The following CNTNAP2 variants were observed in gnomAD, a reference collection of about 807,000 sequenced individuals.
CNTNAP2 encodes the protein contactin-associated protein-like 2.
A neutral mutation model predicts 155.2 loss-of-function variants in CNTNAP2; 98 were observed. The ratio of observed to expected loss-of-function variants is 0.63; its 90% CI spans 0.54 to 0.75. The LOEUF (loss-of-function observed/expected upper bound fraction) is 0.75, where lower values mean the gene tolerates loss of function less well. Ranked by LOEUF, CNTNAP2 falls within the 30% of genes least tolerant of loss-of-function variation. The pLI, the probability that CNTNAP2 is intolerant of heterozygous loss-of-function variation, is 0.00. For synonymous variants in CNTNAP2, 651 were observed against 631.2 expected (o/e 1.03, Z -0.47); for missense variants, 1,727 against 1,688.1 (o/e 1.02, Z -0.40).
At chr7:147,022,535 A>G (rs935059524) in intron 3 of CNTNAP2, among the ~76,000 whole-genome samples, 2 of 151,918 alleles carry the variant, frequency 1.3e-5, no homozygotes, top group African/African-American at 4.8e-5. Context: ...ATATTGTACT[A>G]TATATGTGTT....
chr7:146,869,497 A>G (rs1166333787), intron 3 of CNTNAP2, among the ~76,000 whole-genome samples: 1 of 152,078 alleles, frequency 6.6e-6, no homozygotes, highest in Non-Finnish European at 1.5e-5. Context: ...TATTAAGGAT[A>G]ATTGACTCAC....
intron 1 of CNTNAP2, among the ~76,000 whole-genome samples, chr7:146,622,442 G>T (rs1024387831): frequency 6.6e-6 from 1 of 151,834 alleles, no homozygotes; most frequent in Non-Finnish European, 1.5e-5. Flanking sequence ...TGTGCAAGGG[G>T]ATATATGTGT....
intron 8 of CNTNAP2, among the ~76,000 whole-genome samples, chr7:147,191,777 G>A (rs963440201): frequency 3.3e-5 from 5 of 151,734 alleles, no homozygotes; most frequent in Admixed American, 1.3e-4. Flanking sequence ...AACCCTTCAC[G>A]AATTAAAAAA....
rs79895398 is a variant in CNTNAP2 at position 147,221,564 on chromosome 7, G to A, written c.1349-78577G>A. On this transcript the variant is annotated intron_variant, in intron 8 of 23. Coordinates refer to ENST00000361727, the MANE Select transcript of CNTNAP2 (RefSeq NM_014141.6). ...AAGCCACCAGCCCTCCCTAGGACCC[G>A]AGAAGGTGAAGCCCTTGTGTGAAGT... Among the ~76,000 whole-genome samples the A allele has an allele frequency of 5.9e-3, 901 of 152,300 alleles. 8 individuals are homozygous for A. Among genetic ancestry groups the A allele is most frequent in the African/African-American group, 0.02 (850 of 41,558 alleles).
In CNTNAP2 at chr7:146,845,630, T is replaced by A. The variant is rs563173190; in HGVS notation, c.402+5726T>A. Among the ~76,000 whole-genome samples the A allele has an allele frequency of 1.2e-3, 176 of 152,354 alleles. 2 individuals carry two copies. Among genetic ancestry groups the A allele is most frequent in the South Asian group, 9.7e-3 (47 of 4,828 alleles). Reference sequence around the variant, plus strand: ...TAGTCACCCTCTATGTTTTTCAGATTCCCTTTACCTCTTTTTACTCTTATT... The same window carrying A: ...TAGTCACCCTCTATGTTTTTCAGATACCCTTTACCTCTTTTTACTCTTATT... On this transcript the variant is annotated intron_variant, in intron 3 of 23. Coordinates refer to ENST00000361727, the MANE Select transcript of CNTNAP2 (RefSeq NM_014141.6).
At chr7:147,646,001 AG>A (rs1795359932) in intron 13 of CNTNAP2, among the ~76,000 whole-genome samples, 1 of 152,228 alleles carries the variant, frequency 6.6e-6, no homozygotes, top group Non-Finnish European at 1.5e-5. Context: ...GATTTCAAGT[AG>A]GGAAGTTCTG....
chr7:148,054,651 A>G (rs1802974863), intron 15 of CNTNAP2, among the ~76,000 whole-genome samples: 1 of 152,070 alleles, frequency 6.6e-6, no homozygotes, highest in South Asian at 2.1e-4. Context: ...TTAAAAAACT[A>G]ACTCCAGGAT....
chr7:147,418,308 A>T (rs781533799), intron 10 of CNTNAP2, among the ~76,000 whole-genome samples: 1 of 152,162 alleles, frequency 6.6e-6, no homozygotes, highest in Admixed American at 6.5e-5. Context: ...TGAGCCCTTA[A>T]TGGAAGAATG....
At chr7:147,642,066 T>C (rs1795288788) in intron 13 of CNTNAP2, among the ~76,000 whole-genome samples, 1 of 151,812 alleles carries the variant, frequency 6.6e-6, no homozygotes, top group Non-Finnish European at 1.5e-5. Flanking sequence ...CCAGGAAAAG[T>C]CAAAGACTGT....
At chr7:148,308,818 C>T (rs1203445973) in intron 21 of CNTNAP2, among the ~76,000 whole-genome samples, 3 of 147,814 alleles carry the variant, frequency 2.0e-5, no homozygotes, top group Non-Finnish European at 3.0e-5. Flanking sequence ...TGAGTGAGAA[C>T]ATGCAGTGTT....
chr7:146,211,754 G>C (rs10237336), intron 1 of CNTNAP2, among the ~76,000 whole-genome samples: 3 of 151,934 alleles, frequency 2.0e-5, no homozygotes, highest in East Asian at 3.9e-4. Flanking sequence ...AGAGACAGCA[G>C]ACCTAGAATT....
intron 3 of CNTNAP2, among the ~76,000 whole-genome samples, chr7:146,886,232 C>G (rs927022578): frequency 9.5e-5 from 14 of 146,882 alleles, no homozygotes; most frequent in Non-Finnish European, 1.8e-4. Flanking sequence ...TTTTCTGACT[C>G]TAAGGTTTTC....
In CNTNAP2 at chr7:147,108,162, A is replaced by C. The variant is rs1033655505; in HGVS notation, c.566A>C (p.Asn189Thr). The change falls in exon 5 of 24, where the codon AAC becomes ACC. Residue 189 changes from asparagine to threonine, a missense_variant. Coordinates refer to ENST00000361727, the MANE Select transcript of CNTNAP2 (RefSeq NM_014141.6). Reference protein sequence around the residue: ...YGCSYWADVINFDGHVVLPYR... With the variant: ...YGCSYWADVITFDGHVVLPYR... ...TTTGTTTTAGGGGCTGATGTTATCA[A>C]CTTTGATGGCCATGTTGTATTACCA... is the stretch of plus-strand genomic sequence containing the variant. 5.0e-6 allele frequency: 8 copies of C among 1,613,394 alleles called. No individual in the cohort carries two copies. The highest frequency in any genetic ancestry group is 4.4e-5 in the South Asian group (4 of 91,058).
intron 3 of CNTNAP2, among the ~76,000 whole-genome samples, chr7:146,965,239 G>T (rs1198639329): frequency 2.6e-5 from 4 of 152,056 alleles, no homozygotes; most frequent in Non-Finnish European, 5.9e-5. Context: ...CTGCCCTGTA[G>T]AGAAGAGAGC....
intron 8 of CNTNAP2, among the ~76,000 whole-genome samples, chr7:147,259,106 A>G (rs749581180): frequency 6.0e-4 from 92 of 152,186 alleles, no homozygotes; most frequent in Non-Finnish European, 1.1e-3. Context: ...GGGTTGTAGC[A>G]TGTTGTGGTC....
intron 21 of CNTNAP2, among the ~76,000 whole-genome samples, chr7:148,332,190 C>T (rs1478995206): frequency 2.1e-5 from 3 of 145,874 alleles, no homozygotes; most frequent in Non-Finnish European, 4.5e-5. Flanking sequence ...AACCTATAAA[C>T]ATTTGGCACA....
intron 3 of CNTNAP2, among the ~76,000 whole-genome samples, chr7:146,870,432 C>T (rs557163845): frequency 1.3e-5 from 2 of 152,134 alleles, no homozygotes; most frequent in South Asian, 4.2e-4. Context: ...GTAACATTCC[C>T]TTTGTCATTT....
At chr7:148,173,992 A>C (rs994356330) in intron 18 of CNTNAP2, among the ~76,000 whole-genome samples, 1 of 152,222 alleles carries the variant, frequency 6.6e-6, no homozygotes, top group African/African-American at 2.4e-5. Context: ...TCATGAATAG[A>C]AAGGCAGGGG....
intron 13 of CNTNAP2, among the ~76,000 whole-genome samples, chr7:147,730,949 T>C (rs567821938): frequency 2.0e-5 from 3 of 152,078 alleles, no homozygotes; most frequent in Non-Finnish European, 4.4e-5. Context: ...CAACATTCCC[T>C]TAAGCCACAG....
Sources: gnomAD v4.1 joint callset for allele counts (sites outside exome capture counted in the v4.1 genomes callset) on GRCh38, gnomAD v4.1.1 for gene constraint, MANE v1.5 for transcripts, NCBI Gene and HGNC (gene_info 2026-07-23, HGNC 2026-07-21) for gene names.